SPATC1: variants seen among roughly 807,000 people sequenced by gnomAD.
The protein encoded by SPATC1 is speriolin.
SPATC1 carries 35 observed loss-of-function variants against 36.5 expected under a neutral mutation model. That is an observed-to-expected ratio of 0.96 (90% CI 0.73 to 1.27). The LOEUF is 1.27. Ranked by LOEUF, SPATC1 falls within the 50% of genes most tolerant of loss-of-function variation. The probability of loss-of-function intolerance (pLI) is 0.00; values close to 1 mark genes in which losing one functional copy is unlikely to be tolerated. For synonymous variants in SPATC1, 361 were observed against 353.6 expected (o/e 1.02, Z -0.24); for missense variants, 779 against 796.0 (o/e 0.98, Z 0.26).
Position 144,040,420 on chromosome 8 carries a change from G to GT in SPATC1, c.723_724insT (p.Pro242SerfsTer20). ...AGCCACTCCGCGGAGGCCCCACTGG[G>GT]CCCCAGTCCCCAGCTTGCGTGGTAC... On this transcript the variant is annotated frameshift_variant, in exon 2 of 5. Coordinates refer to ENST00000377470, the MANE Select transcript of SPATC1 (RefSeq NM_198572.3). LOFTEE classifies it high-confidence loss of function. 6.2e-7 allele frequency: 1 copy of GT among 1,609,142 alleles called. No homozygotes were observed. The highest frequency in any genetic ancestry group is 8.5e-7 in the Non-Finnish European group (1 of 1,178,440).
chr8:144,041,140 G>A (rs782793984), intron 3 of SPATC1, 33 bp downstream of exon 3: 2 of 1,583,750 alleles, frequency 1.3e-6, no homozygotes, highest in African/African-American at 1.3e-5. Flanking sequence ...CGCGGGTCGG[G>A]CCCCCAGGCC....
Position 144,041,368 on chromosome 8 carries a change from C to A in SPATC1, c.1443C>A (p.Ile481=), listed in dbSNP as rs782796535. Reference sequence around the variant, plus strand: ...TCTCCAACATCCCAGAGAAGATCATCCAGGTGTGCGGCCAGGGGTCCTGCA... The same window carrying A: ...TCTCCAACATCCCAGAGAAGATCATACAGGTGTGCGGCCAGGGGTCCTGCA... The part of the protein sequence containing the change: ...FTVSNIPEKI[I]QASLNPSDHK... Residue 481 remains isoleucine, a synonymous_variant, in exon 4 of 5, where the codon ATC becomes ATA. Coordinates refer to ENST00000377470, the MANE Select transcript of SPATC1 (RefSeq NM_198572.3). 1.9e-6 allele frequency: 3 copies of A among 1,608,280 alleles called. No homozygotes were observed. In the East Asian group the frequency reaches 6.7e-5, roughly 36 times the overall value.
chr8:144,042,525 T>G (rs1442810877), intron 4 of SPATC1, among the ~76,000 whole-genome samples: 1 of 151,668 alleles, frequency 6.6e-6, no homozygotes, highest in East Asian at 1.9e-4. Flanking sequence ...TTTCTCCATG[T>G]TGGCCAGGCT....
intron 1 of SPATC1, among the ~76,000 whole-genome samples, chr8:144,030,749 C>T (rs1834776786): frequency 6.6e-6 from 1 of 152,132 alleles, no homozygotes; most frequent in Non-Finnish European, 1.5e-5. Flanking sequence ...TCTAGTATAC[C>T]ATTTTGATTC....
At chr8:144,032,501 C>T (rs1447090157) in intron 1 of SPATC1, among the ~76,000 whole-genome samples, 1 of 152,122 alleles carries the variant, frequency 6.6e-6, no homozygotes, top group African/African-American at 2.4e-5. Flanking sequence ...TGGTCTCGAT[C>T]TCTTGACCTC....
chr8:144,023,083 T>TCCC (rs1834577638), intron 1 of SPATC1, among the ~76,000 whole-genome samples: 1 of 132,354 alleles, frequency 7.6e-6, no homozygotes, highest in African/African-American at 2.9e-5. Context: ...AAGGACCCTC[T>TCCC]CTCCTCAGGA....
rs1835029554 is a variant in SPATC1, at chr8:144,040,163, T to A, written c.466T>A (p.Ser156Thr). 1 of 1,609,790 alleles carries A rather than the reference T, an allele frequency of 6.2e-7. No homozygotes were observed. ...AGPLTGTLAS[S>T]LGLPSTGTLT... is the part of the protein sequence containing the mutation. ...ACCCCTAACAGGCACACTGGCCAGT[T>A]CCCTGGGCCTGCCCTCCACTGGCAC... The change falls in exon 2 of 5, where the codon TCC (serine) becomes ACC (threonine). Residue 156 changes from serine to threonine, a missense_variant. Physicochemically the swap from Ser to Thr is moderately conservative, Grantham distance 58. Transcript: ENST00000377470.
chr8:144,042,275 C>T (rs1422966618), intron 4 of SPATC1, among the ~76,000 whole-genome samples: 8 of 129,756 alleles, frequency 6.2e-5, no homozygotes, highest in Middle Eastern at 8.3e-3. Context: ...TACGCCACCA[C>T]GCCCAGCTAA....
chr8:144,023,471 C>T (rs1490048939), intron 1 of SPATC1, among the ~76,000 whole-genome samples: 1 of 110,504 alleles, frequency 9.0e-6, no homozygotes, highest in Non-Finnish European at 2.0e-5. Context: ...GACCCTCTCT[C>T]CTCAGGACCA....
At chr8:144,025,426 C>T (rs1294676887) in intron 1 of SPATC1, among the ~76,000 whole-genome samples, 5 of 152,178 alleles carry the variant, frequency 3.3e-5, no homozygotes, top group Non-Finnish European at 5.9e-5. Flanking sequence ...ATCATATAAA[C>T]GCAGTGAATC....
chr8:144,034,565 T>TG (rs1834860916), intron 1 of SPATC1, among the ~76,000 whole-genome samples: 1 of 152,182 alleles, frequency 6.6e-6, no homozygotes, highest in South Asian at 2.1e-4. Context: ...ACCAGACACA[T>TG]GGGGAGTATT....
At chr8:144,042,408 C>T (rs1408091464) in intron 4 of SPATC1, among the ~76,000 whole-genome samples, 2 of 146,080 alleles carry the variant, frequency 1.4e-5, no homozygotes, top group Non-Finnish European at 3.0e-5. Flanking sequence ...CAACCTCTGC[C>T]TCCTGGGTTC....
At chr8:144,033,115 G>A (rs1007414047) in intron 1 of SPATC1, among the ~76,000 whole-genome samples, 29 of 151,916 alleles carry the variant, frequency 1.9e-4, no homozygotes, top group Non-Finnish European at 3.5e-4. Flanking sequence ...CAAAAGTTAG[G>A]CTGGGCACAG....
intron 1 of SPATC1, among the ~76,000 whole-genome samples, chr8:144,018,720 G>A (rs1307502739): frequency 1.3e-5 from 2 of 151,758 alleles, no homozygotes; most frequent in African/African-American, 2.4e-5. Flanking sequence ...GGATGGAGCG[G>A]GGAAGGTCTG....
intron 1 of SPATC1, among the ~76,000 whole-genome samples, chr8:144,029,325 T>G (rs2133123671): frequency 1.3e-5 from 2 of 151,838 alleles, no homozygotes; most frequent in East Asian, 3.9e-4. Context: ...TCCCAGCACT[T>G]TGGGAGGCCG....
At position 144,016,689 on chromosome 8, in the gene SPATC1, G is replaced by A. The variant is rs962996715; in HGVS notation, c.211+3963G>A. Among the ~76,000 whole-genome samples the A allele has an allele frequency of 2.0e-5, 3 of 152,158 alleles. No individual in the cohort carries two copies. Among genetic ancestry groups the A allele is most frequent in the Admixed American group, 6.5e-5 (1 of 15,270 alleles). ...TCACTCTTGTTGCCCAGGCTGGAGTGCAATGGCGCAATCTCGGCTCACCGC... is the reference window on the plus strand; with the variant it reads ...TCACTCTTGTTGCCCAGGCTGGAGTACAATGGCGCAATCTCGGCTCACCGC... On this transcript the variant is annotated intron_variant, in intron 1 of 4. Coordinates refer to ENST00000377470, the MANE Select transcript of SPATC1 (RefSeq NM_198572.3). The surrounding 1 kb of genome is among the most constrained non-coding windows in gnomAD (Gnocchi z 4.5).
intron 1 of SPATC1, among the ~76,000 whole-genome samples, chr8:144,036,116 C>T (rs1225970983): frequency 6.6e-6 from 1 of 152,124 alleles, no homozygotes; most frequent in East Asian, 1.9e-4. Flanking sequence ...AACAAGAAAT[C>T]ATAAAAGACC....
chr8:144,026,976 AT>A (rs1290653732), intron 1 of SPATC1, among the ~76,000 whole-genome samples: 53 of 116,870 alleles, frequency 4.5e-4, no homozygotes, highest in East Asian at 1.8e-3. Context: ...CGCCCTGCTA[AT>A]TTTTTTTTTC....
At chr8:144,037,616 G>A (rs549728001) in intron 1 of SPATC1, among the ~76,000 whole-genome samples, 3 of 151,944 alleles carry the variant, frequency 2.0e-5, no homozygotes, top group Admixed American at 6.6e-5. Flanking sequence ...CAGCATGCTC[G>A]TTAAGAGTCA....
Sources: allele counts gnomAD v4.1 joint callset (sites outside exome capture counted in the v4.1 genomes callset), GRCh38; gene constraint gnomAD v4.1.1; non-coding constraint Gnocchi (gnomAD v3.1); transcripts MANE v1.5; gene names NCBI Gene and HGNC (gene_info 2026-07-23, HGNC 2026-07-21).